The following QRSL1 variants were observed in gnomAD, a reference collection of about 807,000 sequenced individuals.
QRSL1 encodes glutaminyl-tRNA amidotransferase subunit QRSL1, also known as glutamyl-tRNA(Gln) amidotransferase subunit A, mitochondrial.
In QRSL1, 54 loss-of-function variants were observed where a neutral mutation model predicts 61.6. The observed-to-expected ratio is 0.88, with a 90% CI of 0.70 to 1.10. The LOEUF (loss-of-function observed/expected upper bound fraction) is 1.10. QRSL1 is among the 50% of genes least tolerant of loss of function. QRSL1 has a pLI of 0.00. For missense variants in QRSL1, 505 were observed against 622.6 expected, an observed-to-expected ratio of 0.81 and a Z score of 2.01; for synonymous variants, 228 against 225.7, an observed-to-expected ratio of 1.01 and a Z score of -0.09.
chr6:106,644,264 T>C (rs1777072761), intron 4 of QRSL1, among the ~76,000 whole-genome samples: 1 of 152,144 alleles, frequency 6.6e-6, no homozygotes, highest in African/African-American at 2.4e-5. Context: ...GGACTCAAAC[T>C]GTGCTCCCAG....
intron 1 of QRSL1, among the ~76,000 whole-genome samples, chr6:106,637,714 AT>A (rs1412050040): frequency 6.6e-6 from 1 of 151,978 alleles, no homozygotes; most frequent in Non-Finnish European, 1.5e-5. Context: ...CAGAGAGAGA[AT>A]TTTTTTTCTT....
chr6:106,637,020 G>A (rs1318530933), intron 1 of QRSL1, among the ~76,000 whole-genome samples: 1 of 152,168 alleles, frequency 6.6e-6, no homozygotes, highest in Non-Finnish European at 1.5e-5. Context: ...CTCTACTCAG[G>A]GTCTCACAAG....
chr6:106,630,692 C>G (rs912035495), intron 1 of QRSL1, among the ~76,000 whole-genome samples: 2 of 152,106 alleles, frequency 1.3e-5, no homozygotes, highest in Non-Finnish European at 2.9e-5. Context: ...AATGGAGGCT[C>G]CAGGTGATTT....
At position 106,652,280 on chromosome 6, in the gene QRSL1, C is replaced by G. The variant is rs539588728; in HGVS notation, c.629C>G (p.Pro210Arg). ...AAHCGLVGFK[P>R]SYGLVSRHGL... ...CACTGTGGGCTTGTTGGTTTCAAAC[C>G]AAGCTATGGCTTAGTTTCCCGTCAT... Residue 210 changes from proline to arginine, a missense_variant, in exon 6 of 11, where the codon CCA becomes CGA. Transcript: ENST00000369046. The G allele has an allele frequency of 1.2e-6, 2 of 1,614,072 alleles. No individual in the cohort carries two copies. Among genetic ancestry groups the G allele is most frequent in the South Asian group, 2.2e-5 (2 of 91,082 alleles).
chr6:106,652,694 T>C, intron 7 of QRSL1, 112 bp downstream of exon 7: 1 of 1,560,790 alleles, frequency 6.4e-7, no homozygotes, highest in East Asian at 2.4e-5. Context: ...CTTTTATTAA[T>C]CATGTGAGTT....
intron 5 of QRSL1, 121 bp from the exon 6 acceptor site, chr6:106,652,088 A>G (rs1777194867): frequency 1.0e-6 from 1 of 963,364 alleles, no homozygotes; most frequent in African/African-American, 1.7e-5. Context: ...TGAGATGAAC[A>G]TGTGTTACTT....
chr6:106,647,254 T>G (rs1489107501), intron 4 of QRSL1, among the ~76,000 whole-genome samples: 2 of 152,072 alleles, frequency 1.3e-5, no homozygotes, highest in East Asian at 3.9e-4. Context: ...AACAAAAGAT[T>G]TAAGAAGACG....
Position 106,652,527 on chromosome 6 carries a change from C to A in QRSL1, c.794C>A (p.Pro265Gln). ...STTVHEPINK[P>Q]FMLPSLADVS... The stretch of plus-strand genomic sequence containing the variant: ...ACAGTACATGAACCTATTAATAAAC[C>A]ATTCATGCTTCCCAGTTTGGCAGAT... Residue 265 changes from proline (P) to glutamine (Q), a missense_variant, in exon 7 of 11, where the codon CCA becomes CAA. By Grantham distance (76) the Pro-to-Gln change is moderately conservative. Coordinates refer to ENST00000369046, the MANE Select transcript of QRSL1 (RefSeq NM_018292.5). 2.5e-6 allele frequency: 4 copies of A among 1,614,172 alleles called. No individual in the cohort carries two copies. Among genetic ancestry groups the A allele is most frequent in the Non-Finnish European group, 3.4e-6 (4 of 1,180,030 alleles).
rs563057594 is a variant in QRSL1, at chr6:106,658,759, G to C, written c.1160+3027G>C. On this transcript the variant is annotated intron_variant, in intron 9 of 10. Transcript: ENST00000369046. ...ATTTGACTGTGATGTGCCTTGGTGT[G>C]GTTCTCTGCATATTTCTTCTTCTGC... Among the ~76,000 whole-genome samples, 65 of 152,174 alleles carry C rather than the reference G, an allele frequency of 4.3e-4. 1 individual carries two copies. The highest frequency in any genetic ancestry group is 1.5e-3 in the African/African-American group (63 of 41,536).
At chr6:106,637,102 C>T (rs1776935904) in intron 1 of QRSL1, among the ~76,000 whole-genome samples, 1 of 152,200 alleles carries the variant, frequency 6.6e-6, no homozygotes, top group South Asian at 2.1e-4. Context: ...AGCTCCAGCC[C>T]TCTCGACCTC....
intron 4 of QRSL1, among the ~76,000 whole-genome samples, chr6:106,646,939 A>G: frequency 6.7e-6 from 1 of 149,738 alleles, no homozygotes; most frequent in Non-Finnish European, 1.5e-5. Flanking sequence ...GAGGCAGGAG[A>G]ATGGCATGAA....
intron 4 of QRSL1, among the ~76,000 whole-genome samples, chr6:106,648,006 A>G (rs1777138504): frequency 6.6e-6 from 1 of 150,976 alleles, no homozygotes; most frequent in Admixed American, 6.6e-5. Context: ...GATTCGATAA[A>G]AGTATTGTAG....
intron 9 of QRSL1, among the ~76,000 whole-genome samples, chr6:106,660,908 C>T (rs527506314): frequency 6.6e-6 from 1 of 152,006 alleles, no homozygotes; most frequent in Non-Finnish European, 1.5e-5. Flanking sequence ...TTGTTATGGC[C>T]CAATCACCTC....
At chr6:106,641,761 G>T (rs1442233168) in intron 3 of QRSL1, among the ~76,000 whole-genome samples, 1 of 152,092 alleles carries the variant, frequency 6.6e-6, no homozygotes, top group Non-Finnish European at 1.5e-5. Flanking sequence ...ATTACTGTGT[G>T]GTATAACATG....
chr6:106,643,434 C>G (rs1777053952), intron 4 of QRSL1, among the ~76,000 whole-genome samples: 1 of 152,144 alleles, frequency 6.6e-6, no homozygotes, highest in Admixed American at 6.5e-5. Flanking sequence ...AATCGCAGCA[C>G]TTTGGGAGTC....
At chr6:106,657,722 T>C (rs1777293624) in intron 9 of QRSL1, among the ~76,000 whole-genome samples, 1 of 152,032 alleles carries the variant, frequency 6.6e-6, no homozygotes, top group South Asian at 2.1e-4. Context: ...TTATTTATTT[T>C]TGAGACAGAG....
intron 9 of QRSL1, among the ~76,000 whole-genome samples, chr6:106,660,353 A>G (rs1300225837): frequency 7.4e-6 from 1 of 135,292 alleles, no homozygotes; most frequent in African/African-American, 2.7e-5. Flanking sequence ...AGCTAGGACT[A>G]CTGTAGTTTT....
In QRSL1 at chr6:106,663,102, T is replaced by C; in HGVS notation, c.1283T>C (p.Val428Ala). Residue 428 changes from valine (V) to alanine (A), a missense_variant, in exon 10 of 11, where the codon GTA becomes GCA. Val to Ala is a moderately conservative substitution (Grantham distance 64). Coordinates refer to ENST00000369046, the MANE Select transcript of QRSL1 (RefSeq NM_018292.5). The stretch of plus-strand genomic sequence containing the variant: ...ACTCCCACCACCTTGAGTGAGGCAG[T>C]ACCATACTTGGAGTTCATCAAAGAG... ...LLTPTTLSEAVPYLEFIKEDN... is the reference protein window; with the variant it reads ...LLTPTTLSEAAPYLEFIKEDN... 1 of 1,614,152 alleles carries C rather than the reference T, an allele frequency of 6.2e-7. No homozygotes were observed.
At chr6:106,635,048 A>T (rs981392851) in intron 1 of QRSL1, among the ~76,000 whole-genome samples, 1 of 151,922 alleles carries the variant, frequency 6.6e-6, no homozygotes, top group Non-Finnish European at 1.5e-5. Flanking sequence ...CTAGATATCC[A>T]AGTGAAGATA....
Sources: gnomAD v4.1 joint callset for allele counts (sites outside exome capture counted in the v4.1 genomes callset) on GRCh38, gnomAD v4.1.1 for gene constraint, MANE v1.5 for transcripts, NCBI Gene and HGNC (gene_info 2026-07-23, HGNC 2026-07-21) for gene names.